Variants in ANO6 observed in about 807,000 individuals in gnomAD.
ANO6 encodes the protein anoctamin 6, also known as anoctamin-6.
Under a neutral mutation model 117.5 loss-of-function variants are expected in ANO6, and 106 were observed. That is an observed-to-expected ratio of 0.90 (90% confidence interval 0.77 to 1.06). The LOEUF is 1.06. Among genes scored for constraint, ANO6 ranks in the 50% least tolerant of loss-of-function variants. The pLI is 0.00. For synonymous variants in ANO6, 367 were observed against 385.1 expected, an observed-to-expected ratio of 0.95 and a Z score of 0.55; for missense variants, 955 against 1,121.1, an observed-to-expected ratio of 0.85 and a Z score of 2.12.
intron 3 of ANO6, among the ~76,000 whole-genome samples, chr12:45,337,726 G>GT (rs1940866782): frequency 6.6e-6 from 1 of 151,908 alleles, no homozygotes; most frequent in Admixed American, 6.6e-5. Context: ...GAGAACTATT[G>GT]TACAGCTGAC....
intron 16 of ANO6, among the ~76,000 whole-genome samples, chr12:45,413,798 CA>C (rs35972192): frequency 0.13 from 19,508 of 152,130 alleles, 1,758 homozygotes; most frequent in East Asian, 0.36. Context: ...AGCACCTACA[CA>C]AGTCCTAATT....
Position 45,216,338 on chromosome 12 carries a change from G to T in ANO6, c.17G>T (p.Arg6Met), listed in dbSNP as rs777355661. 6.2e-7 allele frequency: 1 copy of T among 1,612,736 alleles called. No homozygotes were observed. The highest frequency in any genetic ancestry group is 1.7e-4 in the Middle Eastern group (1 of 6,060). Residue 6 changes from arginine to methionine, a missense_variant, in exon 1 of 20, where the codon AGG (arginine) becomes ATG (methionine). Transcript: ENST00000320560. MKKMS[R>M]NVLLQMEEEE... is the part of the protein sequence containing the mutation. ...GAGGGAGACATGAAAAAGATGAGCAGGAATGTTTTGCTACAAATGGAGGAG... is the reference window on the plus strand; with the variant it reads ...GAGGGAGACATGAAAAAGATGAGCATGAATGTTTTGCTACAAATGGAGGAG...
chr12:45,217,147 G>T (rs577301428), intron 1 of ANO6, among the ~76,000 whole-genome samples: 1 of 152,232 alleles, frequency 6.6e-6, no homozygotes, highest in Admixed American at 6.5e-5. Flanking sequence ...GAAAAAAAGG[G>T]CAAACAAAAG....
At chr12:45,260,200 T>A (rs1423927812) in intron 1 of ANO6, among the ~76,000 whole-genome samples, 1 of 152,240 alleles carries the variant, frequency 6.6e-6, no homozygotes, top group Non-Finnish European at 1.5e-5. Flanking sequence ...CCAAAGGTAG[T>A]GAAGTCAGTT....
At chr12:45,393,405 A>C (rs1198728632) in intron 12 of ANO6, among the ~76,000 whole-genome samples, 2 of 152,260 alleles carry the variant, frequency 1.3e-5, no homozygotes, top group African/African-American at 4.8e-5. Flanking sequence ...AATGGAACCA[A>C]GTTGGAAAAC....
At chr12:45,401,750 C>T (rs1418301564) in intron 12 of ANO6, 45 bp from the exon 13 acceptor site, 1 of 1,459,064 alleles carries the variant, frequency 6.9e-7, no homozygotes, top group Non-Finnish European at 9.6e-7. Flanking sequence ...AGTACAAGTG[C>T]AGTTATTGGT....
chr12:45,394,128 T>C (rs1469168848), intron 12 of ANO6, among the ~76,000 whole-genome samples: 1 of 151,642 alleles, frequency 6.6e-6, no homozygotes, highest in Non-Finnish European at 1.5e-5. Flanking sequence ...ACATATAGGC[T>C]CAAAATAAAG....
intron 9 of ANO6, among the ~76,000 whole-genome samples, chr12:45,373,944 C>T (rs541537839): frequency 3.5e-4 from 53 of 152,116 alleles, no homozygotes; most frequent in African/African-American, 1.2e-3. Context: ...GAAAGATCAA[C>T]AAAATAGATA....
intron 3 of ANO6, among the ~76,000 whole-genome samples, chr12:45,336,002 A>G (rs1004042858): frequency 1.3e-5 from 2 of 152,032 alleles, no homozygotes; most frequent in East Asian, 1.9e-4. Flanking sequence ...TCTGAGTGCA[A>G]TGGCTATGAC....
At chr12:45,289,969 A>G (rs755115884) in intron 1 of ANO6, among the ~76,000 whole-genome samples, 27 of 152,332 alleles carry the variant, frequency 1.8e-4, no homozygotes, top group Middle Eastern at 3.4e-3. Context: ...TCCTTTGGTT[A>G]TAAAACCTGA....
At chr12:45,413,976 C>T (rs1943152212) in intron 16 of ANO6, among the ~76,000 whole-genome samples, 2 of 151,996 alleles carry the variant, frequency 1.3e-5, no homozygotes, top group African/African-American at 4.8e-5. Context: ...TCACATAAAT[C>T]TTGGCCGTAC....
At chr12:45,233,697 G>A (rs1947607027) in intron 1 of ANO6, among the ~76,000 whole-genome samples, 2 of 152,084 alleles carry the variant, frequency 1.3e-5, no homozygotes, top group African/African-American at 4.8e-5. Flanking sequence ...AACTGTTTAA[G>A]TTATGACAGT....
intron 8 of ANO6, among the ~76,000 whole-genome samples, chr12:45,360,476 T>C (rs988735644): frequency 2.0e-5 from 3 of 152,194 alleles, no homozygotes; most frequent in African/African-American, 7.2e-5. Flanking sequence ...CTCTTAATAT[T>C]ACCACACTGG....
At chr12:45,309,984 C>T (rs1939797223) in intron 2 of ANO6, among the ~76,000 whole-genome samples, 1 of 151,972 alleles carries the variant, frequency 6.6e-6, no homozygotes, top group Non-Finnish European at 1.5e-5. Context: ...CTAAATTGGC[C>T]CATTTGCTGT....
intron 1 of ANO6, among the ~76,000 whole-genome samples, chr12:45,219,901 T>G (rs1947370604): frequency 6.6e-6 from 1 of 152,184 alleles, no homozygotes; most frequent in Admixed American, 6.5e-5. Context: ...AATGTGTGGT[T>G]TGAAGCCCCT....
intron 19 of ANO6, among the ~76,000 whole-genome samples, chr12:45,424,194 A>G (rs1021468652): frequency 2.0e-5 from 3 of 152,034 alleles, no homozygotes; most frequent in Non-Finnish European, 4.4e-5. Flanking sequence ...GTGGTAGATT[A>G]TATGTTGTCC....
At chr12:45,295,590 G>A (rs1364237355) in intron 1 of ANO6, among the ~76,000 whole-genome samples, 2 of 152,100 alleles carry the variant, frequency 1.3e-5, no homozygotes, top group African/African-American at 4.8e-5. Context: ...GTCTTACTCG[G>A]TTGCCCAGGC....
intron 3 of ANO6, among the ~76,000 whole-genome samples, chr12:45,333,897 T>C (rs1463804256): frequency 6.6e-6 from 1 of 152,060 alleles, no homozygotes; most frequent in East Asian, 1.9e-4. Context: ...GTAAACCATA[T>C]TGATTTCCTA....
At position 45,400,747 on chromosome 12, in the gene ANO6, C is replaced by A. The variant is rs563898430; in HGVS notation, c.1387-1048C>A. ...GACCATCCTGTAATCACTCCCTTTA[C>A]TGCTCTCCACAGGTGACAACTGGCC... On this transcript the variant is annotated intron_variant, in intron 12 of 19. Transcript: ENST00000320560. 2.6e-5 allele frequency among the ~76,000 whole-genome samples: 4 copies of A among 152,298 alleles called. No homozygotes were observed. The South Asian group carries it at 8.3e-4, about 32-fold the overall frequency.
Sources: gnomAD v4.1 joint callset for allele counts (sites outside exome capture counted in the v4.1 genomes callset) on GRCh38, gnomAD v4.1.1 for gene constraint, MANE v1.5 for transcripts, NCBI Gene and HGNC (gene_info 2026-07-23, HGNC 2026-07-21) for gene names.